BEGAIN: variants seen among roughly 807,000 people sequenced by gnomAD.
BEGAIN encodes the protein brain-enriched guanylate kinase-associated protein.
BEGAIN carries 19 observed loss-of-function variants against 35.8 expected under a neutral mutation model. That is an observed-to-expected ratio of 0.53 (90% CI 0.37 to 0.78). The LOEUF (loss-of-function observed/expected upper bound fraction) is 0.78. BEGAIN is among the 30% of genes least tolerant of loss of function. The pLI, the probability that BEGAIN is intolerant of heterozygous loss-of-function variation, is 0.00. For synonymous variants in BEGAIN, 462 were observed against 388.6 expected, an observed-to-expected ratio of 1.19 and a Z score of -2.22; for missense variants, 795 against 853.6, an observed-to-expected ratio of 0.93 and a Z score of 0.85.
At chr14:100,583,673 C>A (rs1369780409) in intron 1 of BEGAIN, among the ~76,000 whole-genome samples, 2 of 143,716 alleles carry the variant, frequency 1.4e-5, no homozygotes, top group Non-Finnish European at 3.0e-5. Context: ...CTTTCTCTCT[C>A]TCTCTTTCGT....
At chr14:100,539,611 G>A (rs371805452) in intron 6 of BEGAIN, among the ~76,000 whole-genome samples, 15 of 152,152 alleles carry the variant, frequency 9.9e-5, no homozygotes, top group East Asian at 7.8e-4. Context: ...TGGAGAAGCC[G>A]GAACCCAGGT....
At chr14:100,582,939 A>C (rs1363874087) in intron 1 of BEGAIN, among the ~76,000 whole-genome samples, 1 of 151,740 alleles carries the variant, frequency 6.6e-6, no homozygotes, top group East Asian at 1.9e-4. Flanking sequence ...GTCTGTGAGC[A>C]AAACACTGGC....
intron 1 of BEGAIN, among the ~76,000 whole-genome samples, chr14:100,582,579 T>C (rs1371537072): frequency 1.3e-5 from 2 of 152,196 alleles, no homozygotes; most frequent in Non-Finnish European, 2.9e-5. Context: ...AGGGCAGCCA[T>C]GGTCTTGATG....
intron 2 of BEGAIN, among the ~76,000 whole-genome samples, chr14:100,556,349 C>T (rs975190132): frequency 1.3e-5 from 2 of 152,224 alleles, no homozygotes; most frequent in Non-Finnish European, 2.9e-5. Context: ...CGCTGCCCCC[C>T]TCTTTCTGCA....
Position 100,567,905 on chromosome 14 carries a change from A to C in BEGAIN, c.71+6T>G. Reference sequence around the variant, plus strand: ...CGAGCCGCGGCACGGGAGACGCTCCACTCACCTGAGTTTCTCCATGTCTGC... The same window carrying C: ...CGAGCCGCGGCACGGGAGACGCTCCCCTCACCTGAGTTTCTCCATGTCTGC... On this transcript the variant is annotated splice_donor_region_variant and intron_variant, in intron 2 of 6. Transcript: ENST00000554140. The surrounding 1 kb of genome is among the most constrained non-coding windows in gnomAD (Gnocchi z 5.1). 6 of 1,459,462 alleles carry C rather than the reference A, an allele frequency of 4.1e-6. No individual in the cohort carries two copies. The highest frequency in any genetic ancestry group is 5.5e-6 in the Non-Finnish European group (6 of 1,096,594). 90.4% of individuals were successfully genotyped at this position (1,459,462 alleles called of 1,614,324 possible).
rs770456472 is a variant in BEGAIN at position 100,538,890 on chromosome 14, G to T, written c.918C>A (p.Phe306Leu). The change falls in exon 7 of 7, where the codon TTC (phenylalanine) becomes TTA (leucine). Residue 306 changes from phenylalanine (F) to leucine (L), a missense_variant. By Grantham distance (22) the Phe-to-Leu change is conservative. Transcript: ENST00000554140. ...TGGGCAGTGAGCCTGCGTAGCTGGGGAAGGCCTCATGCTGGAAGCCCGCCG... is the reference window on the plus strand; with the variant it reads ...TGGGCAGTGAGCCTGCGTAGCTGGGTAAGGCCTCATGCTGGAAGCCCGCCG... ...AFPAGFQHEA[F>L]PSYAGSLPTS... The T allele has an allele frequency of 6.2e-7, 1 of 1,608,062 alleles. No individual in the cohort carries two copies. The highest frequency in any genetic ancestry group is 1.1e-5 in the South Asian group (1 of 90,668).
At chr14:100,548,326 G>A (rs2032800861) in intron 2 of BEGAIN, 1 of 152,154 alleles carries the variant, frequency 6.6e-6, no homozygotes, top group Non-Finnish European at 1.5e-5. Context: ...GGGAGGTGGT[G>A]AACTTCCTGG....
At chr14:100,543,292 G>GTGTTTTTTTTTT (rs1038251477) in intron 5 of BEGAIN, among the ~76,000 whole-genome samples, 2 of 151,166 alleles carry the variant, frequency 1.3e-5, no homozygotes, top group East Asian at 1.9e-4. Flanking sequence ...GTGGCCAGAG[G>GTGTTTTTTTTTT]TGTTTTTTTT....
intron 6 of BEGAIN, 43 bp downstream of exon 6, chr14:100,540,453 G>A (rs1212293158): frequency 1.4e-6 from 2 of 1,471,842 alleles, no homozygotes; most frequent in Non-Finnish European, 1.9e-6. Flanking sequence ...AAGGAGCCCG[G>A]TGGTCCCGGG....
intron 2 of BEGAIN, chr14:100,549,366 A>G (rs1281401552): frequency 6.6e-6 from 1 of 152,016 alleles, no homozygotes; most frequent in Non-Finnish European, 1.5e-5. Flanking sequence ...TCCACACCCA[A>G]CCCGTCCAAT....
In BEGAIN at chr14:100,568,214, G is replaced by T; in HGVS notation, c.43-275C>A. 1 of 651,568 alleles carries T rather than the reference G, an allele frequency of 1.5e-6. No homozygotes were observed. The highest frequency in any genetic ancestry group is 2.0e-6 in the Non-Finnish European group (1 of 508,232). 40.4% of individuals were successfully genotyped at this position (651,568 alleles called of 1,614,324 possible). Reference sequence around the variant, plus strand: ...CCCGGGGCGAAGAAGGGGCCGGCCCGGGATGGCCCGGCCAGGGGCGATCTC... The same window carrying T: ...CCCGGGGCGAAGAAGGGGCCGGCCCTGGATGGCCCGGCCAGGGGCGATCTC... On this transcript the variant is annotated intron_variant, in intron 1 of 6. Transcript: ENST00000554140. The surrounding 1 kb of genome is among the most constrained non-coding windows in gnomAD (Gnocchi z 7.5).
intron 1 of BEGAIN, among the ~76,000 whole-genome samples, chr14:100,570,000 G>T (rs1391821739): frequency 4.6e-5 from 7 of 152,042 alleles, no homozygotes; most frequent in African/African-American, 1.7e-4. Context: ...CCCCTATGCG[G>T]GAGCAAAGCT....
At chr14:100,569,617 G>A (rs1228406281) in intron 1 of BEGAIN, 1 of 154,510 alleles carries the variant, frequency 6.5e-6, no homozygotes, top group East Asian at 1.9e-4. Context: ...GCACCCAGCA[G>A]GCTTGGCCTG....
intron 2 of BEGAIN, chr14:100,548,255 A>T (rs115449357): frequency 0.033 from 4,956 of 151,728 alleles, 250 homozygotes; most frequent in African/African-American, 0.11. Flanking sequence ...TGGCTGCCCC[A>T]CTTCTAGCAC....
At chr14:100,540,471 G>A (rs746244591) in intron 6 of BEGAIN, 25 bp downstream of exon 6, 2 of 1,552,878 alleles carry the variant, frequency 1.3e-6, no homozygotes, top group East Asian at 4.7e-5. Context: ...GGGGCGGGGT[G>A]GGCCTGGCTG....
rs117288686 is a variant in BEGAIN at position 100,564,607 on chromosome 14, T to C, written c.71+3304A>G. On this transcript the variant is annotated intron_variant, in intron 2 of 6. Transcript: ENST00000554140. ...TTTTTCCAAGCAGTCGAAGACAAGA[T>C]AGCTGAGTGTGGCTGAGCAAGGGTC... Among the ~76,000 whole-genome samples, 397 of 152,232 alleles carry C rather than the reference T, an allele frequency of 2.6e-3. 8 individuals carry two copies. In the East Asian group the frequency reaches 0.032, roughly 12 times the overall value.
chr14:100,537,790 T>C lies in BEGAIN; in HGVS notation c.*179A>G. The C allele has an allele frequency of 2.1e-6, 2 of 949,588 alleles. No individual in the cohort carries two copies. The highest frequency in any genetic ancestry group is 2.9e-6 in the Non-Finnish European group (2 of 682,216). The allele number at this position is 949,588 out of a possible 1,614,324, so 58.8% of individuals were successfully genotyped here. On this transcript the variant is annotated 3_prime_UTR_variant, in exon 7 of 7. Transcript: ENST00000554140. ...CCGGGGCCGGGTGGACACCGTGGTG[T>C]GGGGGACCCTCCCCTCAGGCCTACA...
chr14:100,560,998 G>A (rs1171202412), intron 2 of BEGAIN, among the ~76,000 whole-genome samples: 1 of 151,582 alleles, frequency 6.6e-6, no homozygotes, highest in Non-Finnish European at 1.5e-5. Flanking sequence ...GGGCCCAGAG[G>A]CCTCCAGCCC....
chr14:100,543,525 A>T (rs1160082296), intron 5 of BEGAIN, among the ~76,000 whole-genome samples: 1 of 152,056 alleles, frequency 6.6e-6, no homozygotes, highest in Admixed American at 6.5e-5. Flanking sequence ...AGTGGCCATG[A>T]CCCCACCTTG....
Sources: allele counts gnomAD v4.1 joint callset (sites outside exome capture counted in the v4.1 genomes callset), GRCh38; gene constraint gnomAD v4.1.1; non-coding constraint Gnocchi (gnomAD v3.1); transcripts MANE v1.5; gene names NCBI Gene and HGNC (gene_info 2026-07-23, HGNC 2026-07-21).